The following CPED1 variants were observed in gnomAD, a reference collection of about 807,000 sequenced individuals.
CPED1 encodes cadherin-like and PC-esterase domain-containing protein 1.
In CPED1, 114 loss-of-function variants were observed where a neutral mutation model predicts 128.2. That is an observed-to-expected ratio of 0.89 (90% confidence interval 0.76 to 1.04). The LOEUF (loss-of-function observed/expected upper bound fraction) is 1.04. CPED1 is among the 50% of genes least tolerant of loss of function. The pLI is 0.00. For missense variants in CPED1, 1,211 were observed against 1,207.1 expected, an observed-to-expected ratio of 1.00 and a Z score of -0.05; for synonymous variants, 462 against 426.7, an observed-to-expected ratio of 1.08 and a Z score of -1.02.
intron 18 of CPED1, among the ~76,000 whole-genome samples, chr7:121,251,210 A>G (rs1458007190): frequency 6.6e-6 from 1 of 152,230 alleles, no homozygotes; most frequent in Non-Finnish European, 1.5e-5. Context: ...ACCAAAGACA[A>G]AAACCACATG....
intron 16 of CPED1, among the ~76,000 whole-genome samples, chr7:121,150,752 CATT>C (rs10617585): frequency 0.21 from 23,842 of 115,930 alleles, 2,060 homozygotes; most frequent in Non-Finnish European, 0.24. Context: ...GAGTCTAAAA[CATT>C]ATTATTATTA....
chr7:121,252,011 T>TA (rs1479908668), intron 18 of CPED1, among the ~76,000 whole-genome samples: 1 of 151,552 alleles, frequency 6.6e-6, no homozygotes, highest in Non-Finnish European at 1.5e-5. Context: ...GCCAAGTCAA[T>TA]CCTAAGCCAA....
intron 4 of CPED1, among the ~76,000 whole-genome samples, chr7:121,060,078 C>T (rs1793615713): frequency 6.6e-6 from 1 of 152,164 alleles, no homozygotes; most frequent in Non-Finnish European, 1.5e-5. Flanking sequence ...GCCGGCCGGC[C>T]CTGCCGGCCC....
intron 16 of CPED1, among the ~76,000 whole-genome samples, chr7:121,175,373 G>C (rs1167691070): frequency 6.6e-6 from 1 of 151,980 alleles, no homozygotes; most frequent in Non-Finnish European, 1.5e-5. Flanking sequence ...GCTATCTCAA[G>C]AGATGCAGAA....
intron 16 of CPED1, among the ~76,000 whole-genome samples, chr7:121,191,324 A>C (rs1797133819): frequency 6.6e-6 from 1 of 152,100 alleles, no homozygotes; most frequent in East Asian, 1.9e-4. Context: ...ATAAGCCTAC[A>C]CCCTGCAGTC....
At chr7:121,201,452 GAGAA>G (rs926267361) in intron 16 of CPED1, among the ~76,000 whole-genome samples, 2 of 96,408 alleles carry the variant, frequency 2.1e-5, no homozygotes, top group Non-Finnish European at 4.4e-5. Flanking sequence ...AAGAGAAAGA[GAGAA>G]AGAGGGAGAG....
chr7:121,130,229 T>A lies in CPED1; in HGVS notation c.1512T>A (p.Ser504=). The A allele has an allele frequency of 6.2e-7, 1 of 1,612,374 alleles. No homozygotes were observed. The highest frequency in any genetic ancestry group is 1.1e-5 in the South Asian group (1 of 90,872). ...GCTCAGTCCTGACCCAATACTGGTC[T>A]CTTTTAAATGTATTTGAACAATTTC... ...NPGSVLTQYW[S]LLNVFEQFQF... is the part of the protein sequence containing the mutation. The change falls in exon 12 of 23, where the codon TCT becomes TCA. Residue 504 remains serine, a synonymous_variant. Coordinates refer to ENST00000310396, the MANE Select transcript of CPED1 (RefSeq NM_024913.5).
chr7:121,118,834 C>T (rs1319846800), intron 7 of CPED1, among the ~76,000 whole-genome samples: 3 of 151,924 alleles, frequency 2.0e-5, no homozygotes, highest in Non-Finnish European at 2.9e-5. Context: ...AGGGGATGGC[C>T]GGGAGGCATC....
At chr7:121,291,835 A>G (rs144747096) in intron 22 of CPED1, among the ~76,000 whole-genome samples, 84 of 152,250 alleles carry the variant, frequency 5.5e-4, no homozygotes, top group African/African-American at 1.9e-3. Flanking sequence ...TTCCAATACT[A>G]TGTTGAATAA....
chr7:121,081,280 A>C (rs1466305424), intron 5 of CPED1, among the ~76,000 whole-genome samples: 2 of 152,192 alleles, frequency 1.3e-5, no homozygotes, highest in African/African-American at 4.8e-5. Context: ...ATAGAATCTT[A>C]GAGTCTTTCA....
chr7:121,058,321 C>T (rs755458333), intron 4 of CPED1, among the ~76,000 whole-genome samples: 1 of 152,050 alleles, frequency 6.6e-6, no homozygotes, highest in Admixed American at 6.5e-5. Flanking sequence ...ATCCATCAAG[C>T]AAAGACCAAA....
At chr7:121,019,660 C>A (rs769042916) in intron 3 of CPED1, among the ~76,000 whole-genome samples, 2 of 152,092 alleles carry the variant, frequency 1.3e-5, no homozygotes, top group Admixed American at 6.6e-5. Flanking sequence ...CATCTTTAAA[C>A]TGATTTTGAG....
At chr7:121,186,217 C>T (rs1196246592) in intron 16 of CPED1, among the ~76,000 whole-genome samples, 1 of 152,060 alleles carries the variant, frequency 6.6e-6, no homozygotes, top group African/African-American at 2.4e-5. Context: ...TATCACAGCC[C>T]TTTATTCCTT....
intron 4 of CPED1, among the ~76,000 whole-genome samples, chr7:121,055,358 G>A (rs1344936616): frequency 6.6e-6 from 1 of 151,856 alleles, no homozygotes; most frequent in Non-Finnish European, 1.5e-5. Context: ...AAAAAATAGA[G>A]AAAGTCACAC....
chr7:121,287,400 G>C (rs181312769), intron 22 of CPED1, among the ~76,000 whole-genome samples: 4 of 152,212 alleles, frequency 2.6e-5, no homozygotes, highest in African/African-American at 9.6e-5. Context: ...GACTCTCTAA[G>C]AGACTGTTTA....
chr7:121,053,525 A>G (rs1202195022), intron 4 of CPED1, among the ~76,000 whole-genome samples: 2 of 152,188 alleles, frequency 1.3e-5, no homozygotes, highest in Non-Finnish European at 2.9e-5. Flanking sequence ...GTTCACCTTG[A>G]TCACTTGGCT....
intron 16 of CPED1, among the ~76,000 whole-genome samples, chr7:121,144,099 C>G (rs1795967275): frequency 6.6e-6 from 1 of 151,974 alleles, no homozygotes; most frequent in Non-Finnish European, 1.5e-5. Flanking sequence ...GGAAAGTAAA[C>G]TAGTACAGCC....
intron 5 of CPED1, among the ~76,000 whole-genome samples, chr7:121,085,684 A>G (rs1794406078): frequency 6.6e-6 from 1 of 152,202 alleles, no homozygotes; most frequent in Non-Finnish European, 1.5e-5. Flanking sequence ...TCAAGGCCAG[A>G]CACAGTGGAC....
intron 16 of CPED1, among the ~76,000 whole-genome samples, chr7:121,178,627 T>C (rs1011424937): frequency 2.0e-5 from 3 of 152,018 alleles, no homozygotes; most frequent in African/African-American, 2.4e-5. Flanking sequence ...CAAATTAAAA[T>C]TGGAGGAATG....
Sources: gnomAD v4.1 joint callset for allele counts (sites outside exome capture counted in the v4.1 genomes callset) on GRCh38, gnomAD v4.1.1 for gene constraint, MANE v1.5 for transcripts, NCBI Gene and HGNC (gene_info 2026-07-23, HGNC 2026-07-21) for gene names.